KAT8: variants seen among roughly 807,000 people sequenced by gnomAD.
The protein encoded by KAT8 is histone acetyltransferase KAT8.
In KAT8, 40 loss-of-function variants were observed where a neutral mutation model predicts 62.9. The ratio of observed to expected loss-of-function variants is 0.64; its 90% CI spans 0.49 to 0.83. KAT8 has a LOEUF of 0.83. KAT8 is among the 40% of genes least tolerant of loss of function. KAT8 has a pLI of 0.00. For missense variants in KAT8, 387 were observed against 614.8 expected (o/e 0.63, Z 3.92); for synonymous variants, 278 against 254.5 (o/e 1.09, Z -0.88).
rs1239904400 is a variant in KAT8 at position 31,120,407 on chromosome 16, G to A, written c.355G>A (p.Val119Ile). 6.2e-7 allele frequency: 1 copy of A among 1,613,970 alleles called. No homozygotes were observed. The highest frequency in any genetic ancestry group is 8.5e-7 in the Non-Finnish European group (1 of 1,180,028). ...LALTKTVKDAVQKNSEKYLSE... is the reference protein window; with the variant it reads ...LALTKTVKDAIQKNSEKYLSE... Reference sequence around the variant, plus strand: ...GCTGACCAAGACAGTGAAGGATGCTGTACAGAAGAACTCAGAGAAGTACCT... The same window carrying A: ...GCTGACCAAGACAGTGAAGGATGCTATACAGAAGAACTCAGAGAAGTACCT... Residue 119 changes from valine (V) to isoleucine (I), a missense_variant, in exon 3 of 11, where the codon GTA becomes ATA. By Grantham distance (29) the Val-to-Ile change is conservative. This residue lies in a region of KAT8 where 69 missense variants were observed against 127.0 expected (regional missense o/e 0.54). Transcript: ENST00000219797.
chr16:31,127,266 C>T lies in KAT8; in HGVS notation c.594C>T (p.Pro198=), dbSNP rs375322490. ...EIDAWYFSPF[P]EDYGKQPKLW... ...ATGCCTGGTATTTCTCACCATTCCC[C>T]GAAGACTATGGGAAACAGCCCAAGC... The change falls in exon 5 of 11, where the codon CCC becomes CCT. Residue 198 remains proline (P), a synonymous_variant. Transcript: ENST00000219797. 43 of 1,614,036 alleles carry T rather than the reference C, an allele frequency of 2.7e-5. No homozygotes were observed. The highest frequency in any genetic ancestry group is 3.1e-5 in the Non-Finnish European group (36 of 1,179,990).
chr16:31,119,602 C>A (rs985098924), intron 1 of KAT8, among the ~76,000 whole-genome samples: 17 of 152,270 alleles, frequency 1.1e-4, no homozygotes, highest in South Asian at 4.1e-4. Context: ...CTTTTCAAAT[C>A]TGTGACCCTA....
Position 31,120,536 on chromosome 16 carries a change from C to T in KAT8, c.462+22C>T, listed in dbSNP as rs116820355. Reference sequence around the variant, plus strand: ...GAAGGTCCGGATCCCTTCCCATCCACGGGCCCAGGAGGCCCAGCTTCTCTG... The same window carrying T: ...GAAGGTCCGGATCCCTTCCCATCCATGGGCCCAGGAGGCCCAGCTTCTCTG... On this transcript the variant is annotated intron_variant, in intron 3 of 10. Coordinates refer to ENST00000219797, the MANE Select transcript of KAT8 (RefSeq NM_032188.3). The T allele has an allele frequency of 4.2e-4, 671 of 1,588,428 alleles. 1 individual carries two copies. In the African/African-American group the frequency reaches 5.8e-3, roughly 14 times the overall value.
At chr16:31,121,698 C>T (rs2057494770) in intron 3 of KAT8, among the ~76,000 whole-genome samples, 1 of 152,048 alleles carries the variant, frequency 6.6e-6, no homozygotes, top group African/African-American at 2.4e-5. Context: ...AGGAGTGCAT[C>T]CCTGTACCTG....
At chr16:31,129,996 C>T (rs755337563) in intron 6 of KAT8, 21 bp from the exon 7 acceptor site, 30 of 1,613,802 alleles carry the variant, frequency 1.9e-5, no homozygotes, top group Non-Finnish European at 2.5e-5. Context: ...CTGAGCCTGT[C>T]TCCCCCCTCC....
In KAT8 at chr16:31,120,188, T is replaced by G; in HGVS notation, c.214T>G (p.Ser72Ala). ...ACCCTAGCCTTTTTCCATCACAGAT[T>G]CTGCTGAAGTGATCCAGTCTCGAGT... ...LCRRPDSTWH[S>A]AEVIQSRVND... The change falls in exon 2 of 11, where the codon TCT becomes GCT. Residue 72 changes from serine (S) to alanine (A), a missense_variant and splice_region_variant. Around this residue, in one of 6 missense-constraint regions of KAT8, gnomAD observed 69 missense variants for 127.0 expected, o/e 0.54. Coordinates refer to ENST00000219797, the MANE Select transcript of KAT8 (RefSeq NM_032188.3). The G allele has an allele frequency of 6.2e-7, 1 of 1,613,980 alleles. No individual in the cohort carries two copies.
intron 3 of KAT8, 123 bp downstream of exon 3, chr16:31,120,637 C>G: frequency 1.1e-6 from 1 of 897,608 alleles, no homozygotes; most frequent in Non-Finnish European, 1.6e-6. Flanking sequence ...TGTAGTGTGT[C>G]AGGGACTTTA....
At chr16:31,120,623 CT>C in intron 3 of KAT8, 109 bp downstream of exon 3, 2 of 1,012,394 alleles carry the variant, frequency 2.0e-6, no homozygotes, top group Non-Finnish European at 2.8e-6. Flanking sequence ...ATTTCTTAAG[CT>C]CCTGTAGTGT....
intron 1 of KAT8, 195 bp downstream of exon 1, chr16:31,118,087 G>C: frequency 2.3e-6 from 1 of 426,322 alleles, no homozygotes. Flanking sequence ...TGTTGACCTT[G>C]AATTATGCCG....
chr16:31,130,395 C>G (rs1341070136), intron 8 of KAT8, 35 bp downstream of exon 8: 1 of 1,613,934 alleles, frequency 6.2e-7, no homozygotes, highest in East Asian at 2.2e-5. Flanking sequence ...GAGGGGGAGA[C>G]CTGTGGGGCA....
At chr16:31,121,413 G>C (rs1202486525) in intron 3 of KAT8, among the ~76,000 whole-genome samples, 1 of 151,478 alleles carries the variant, frequency 6.6e-6, no homozygotes, top group Non-Finnish European at 1.5e-5. Context: ...GAGCTACTGC[G>C]CCCGGCCTAA....
rs767486936 is a variant in KAT8 at position 31,130,083 on chromosome 16, G to C, written c.838G>C (p.Val280Leu). Reference protein sequence around the residue: ...FLDHKTLYFDVEPFVFYILTE... With the variant: ...FLDHKTLYFDLEPFVFYILTE... ...GGACCATAAGACACTGTACTTTGAC[G>C]TGGAGCCGTTCGTCTTTTACATCCT... The change falls in exon 7 of 11, where the codon GTG (valine) becomes CTG (leucine). Residue 280 changes from valine (V) to leucine (L), a missense_variant. Coordinates refer to ENST00000219797, the MANE Select transcript of KAT8 (RefSeq NM_032188.3). 6.2e-7 allele frequency: 1 copy of C among 1,613,978 alleles called. No homozygotes were observed. Among genetic ancestry groups the C allele is most frequent in the Non-Finnish European group, 8.5e-7 (1 of 1,179,984 alleles).
At chr16:31,119,470 G>C (rs1288942526) in intron 1 of KAT8, among the ~76,000 whole-genome samples, 3 of 152,138 alleles carry the variant, frequency 2.0e-5, no homozygotes, top group Non-Finnish European at 4.4e-5. Context: ...ATTAATGTAG[G>C]TTATCTTAAT....
In KAT8 at chr16:31,129,962, C is replaced by CTGGG. The variant is rs2057561437; in HGVS notation, c.772-50_772-47dup. 3.1e-6 allele frequency: 5 copies of CTGGG among 1,595,080 alleles called. 1 individual carries two copies. The South Asian group carries it at 5.6e-5, about 18-fold the overall frequency. Reference sequence around the variant, plus strand: ...GGCTGGTGCCGGCCGCTGGAACCAGCTGGGTGGGGCCTGTGCCTGCCCCCT... The same window carrying CTGGG: ...GGCTGGTGCCGGCCGCTGGAACCAGCTGGGTGGGTGGGGCCTGTGCCTGCCCCCT... On this transcript the variant is annotated intron_variant, in intron 6 of 10. Coordinates refer to ENST00000219797, the MANE Select transcript of KAT8 (RefSeq NM_032188.3).
intron 5 of KAT8, 63 bp from the exon 6 acceptor site, chr16:31,127,987 G>A (rs2057545670): frequency 8.5e-7 from 1 of 1,169,614 alleles, no homozygotes; most frequent in Non-Finnish European, 1.3e-6. Context: ...ATGCAGTGGT[G>A]GGTTGGGTGC....
chr16:31,123,703 G>GTTGGCCAT (rs1567434951), intron 3 of KAT8: 3 of 151,412 alleles, frequency 2.0e-5, no homozygotes, highest in Admixed American at 6.6e-5. Context: ...GTAGAGATGG[G>GTTGGCCAT]GTTTCGCCAT....
In KAT8 at chr16:31,117,691, C is replaced by A. The variant is rs2057457439; in HGVS notation, c.10C>A (p.Gln4Lys). 5.7e-6 allele frequency: 8 copies of A among 1,397,440 alleles called. No individual in the cohort carries two copies. The South Asian group carries it at 9.3e-5, about 16-fold the overall frequency. The allele number at this position is 1,397,440 out of a possible 1,614,324, so 86.6% of individuals were successfully genotyped here. The change falls in exon 1 of 11, where the codon CAG (glutamine) becomes AAG (lysine). Residue 4 changes from glutamine (Q) to lysine (K), a missense_variant. Around this residue, in one of 6 missense-constraint regions of KAT8, gnomAD observed 92 missense variants for 78.8 expected, o/e 1.17. Transcript: ENST00000219797. Reference protein sequence around the residue: MAAQGAAAAVAAGT... With the variant: MAAKGAAAAVAAGT... ...CACTTCCCTTCCCGCGATGGCGGCACAGGGAGCTGCTGCGGCGGTTGCGGC... is the reference window on the plus strand; with the variant it reads ...CACTTCCCTTCCCGCGATGGCGGCAAAGGGAGCTGCTGCGGCGGTTGCGGC...
At chr16:31,128,012 CA>C in intron 5 of KAT8, 37 bp from the exon 6 acceptor site, 1 of 1,526,460 alleles carries the variant, frequency 6.6e-7, no homozygotes, top group Non-Finnish European at 9.1e-7. Context: ...TAGCAGAGAA[CA>C]TATGGGCAGC....
Position 31,117,804 on chromosome 16 carries a change from C to T in KAT8, c.123C>T (p.Val41=), listed in dbSNP as rs1475897575. The stretch of plus-strand genomic sequence containing the variant: ...GGACCGCCCCATCCCCGGGCCGCGT[C>T]TCTCCGCCGACCCCGGCGCGCGGCG... ...AEGTAPSPGR[V]SPPTPARGEP... Residue 41 remains valine, a synonymous_variant, in exon 1 of 11, where the codon GTC becomes GTT. Coordinates refer to ENST00000219797, the MANE Select transcript of KAT8 (RefSeq NM_032188.3). The T allele has an allele frequency of 1.4e-6, 2 of 1,427,366 alleles. No individual in the cohort carries two copies. Among genetic ancestry groups the T allele is most frequent in the African/African-American group, 1.5e-5 (1 of 66,972 alleles). 88.4% of individuals were successfully genotyped at this position (1,427,366 alleles called of 1,614,324 possible). A position where few individuals can be genotyped will look rare whatever the true frequency, so the allele number is the denominator to read the frequency against.
Sources: gnomAD v4.1 joint callset for allele counts (sites outside exome capture counted in the v4.1 genomes callset) on GRCh38, gnomAD v4.1.1 for gene constraint, gnomAD v4.1.1 regional missense constraint, MANE v1.5 for transcripts, NCBI Gene and HGNC (gene_info 2026-07-23, HGNC 2026-07-21) for gene names.